The following PDGFD variants were observed in gnomAD, a reference collection of about 807,000 sequenced individuals.
PDGFD encodes platelet derived growth factor D.
In PDGFD, 30 loss-of-function variants were observed where a neutral mutation model predicts 44.7. The observed-to-expected ratio is 0.67, with a 90% CI of 0.50 to 0.91. The LOEUF (loss-of-function observed/expected upper bound fraction) is 0.91. Ranked by LOEUF, PDGFD falls within the 40% of genes least tolerant of loss-of-function variation. The probability of loss-of-function intolerance (pLI) is 0.00; values close to 1 mark genes in which losing one functional copy is unlikely to be tolerated. For synonymous variants in PDGFD, 173 were observed against 168.4 expected (o/e 1.03, Z -0.21); for missense variants, 445 against 457.8 (o/e 0.97, Z 0.25).
intron 1 of PDGFD, among the ~76,000 whole-genome samples, chr11:104,090,114 G>T (rs548232878): frequency 6.6e-6 from 1 of 152,208 alleles, no homozygotes; most frequent in African/African-American, 2.4e-5. Context: ...ATGAAAGATA[G>T]AAAAGAAATA....
In PDGFD at chr11:103,975,394, C is replaced by G. The variant is rs752327565; in HGVS notation, c.510+20671G>C. On this transcript the variant is annotated intron_variant, in intron 3 of 6. Coordinates refer to ENST00000393158, the MANE Select transcript of PDGFD (RefSeq NM_025208.5). ...TCCTTGTAGATTCTGGACATTAGAC[C>G]TTTGTTAGATGGATAAATTGCAAAA... Among the ~76,000 whole-genome samples the G allele has an allele frequency of 5.9e-5, 9 of 151,946 alleles. No individual in the cohort carries two copies. The South Asian group carries it at 1.2e-3, about 21-fold the overall frequency.
At chr11:104,064,129 C>T (rs933069101) in intron 1 of PDGFD, among the ~76,000 whole-genome samples, 3 of 152,156 alleles carry the variant, frequency 2.0e-5, no homozygotes, top group Non-Finnish European at 4.4e-5. Flanking sequence ...ACCTTCACTG[C>T]TGATTTTACA....
chr11:104,114,194 T>C (rs888552229), intron 1 of PDGFD, among the ~76,000 whole-genome samples: 6 of 152,116 alleles, frequency 3.9e-5, no homozygotes, highest in African/African-American at 1.4e-4. Context: ...GATTTTCTCC[T>C]ATATTATCTT....
intron 1 of PDGFD, among the ~76,000 whole-genome samples, chr11:104,013,625 C>T (rs957297108): frequency 6.6e-6 from 1 of 151,948 alleles, no homozygotes; most frequent in African/African-American, 2.4e-5. Flanking sequence ...AGAGTGGATG[C>T]CTGGAAAAGT....
chr11:104,050,092 T>C (rs1860507371), intron 1 of PDGFD, among the ~76,000 whole-genome samples: 1 of 152,166 alleles, frequency 6.6e-6, no homozygotes, highest in African/African-American at 2.4e-5. Flanking sequence ...ATACGTTATA[T>C]GTCCAGTGGG....
intron 3 of PDGFD, among the ~76,000 whole-genome samples, chr11:103,985,631 A>G (rs1052939832): frequency 6.7e-6 from 1 of 149,756 alleles, no homozygotes; most frequent in East Asian, 1.9e-4. Flanking sequence ...TGACTAGGTT[A>G]TCAGGGAATA....
At chr11:103,941,201 T>G (rs1161508804) in intron 5 of PDGFD, among the ~76,000 whole-genome samples, 2 of 152,066 alleles carry the variant, frequency 1.3e-5, no homozygotes, top group Non-Finnish European at 2.9e-5. Context: ...TGAGTCAATG[T>G]ATCTGGGGTG....
At chr11:104,148,608 T>C (rs1862198154) in intron 1 of PDGFD, among the ~76,000 whole-genome samples, 1 of 152,200 alleles carries the variant, frequency 6.6e-6, no homozygotes, top group Non-Finnish European at 1.5e-5. Flanking sequence ...ACTTTTATTT[T>C]AAGCTCAGGG....
chr11:103,951,700 C>T (rs1565293211), intron 3 of PDGFD, among the ~76,000 whole-genome samples: 1 of 152,136 alleles, frequency 6.6e-6, no homozygotes, highest in African/African-American at 2.4e-5. Flanking sequence ...ATGCACTTTC[C>T]CCAAACGCTC....
At chr11:104,149,530 A>C (rs756123966) in intron 1 of PDGFD, among the ~76,000 whole-genome samples, 2 of 152,214 alleles carry the variant, frequency 1.3e-5, no homozygotes, top group African/African-American at 4.8e-5. Flanking sequence ...AATGTTTGCA[A>C]AGTGAACATT....
chr11:103,926,866 A>T (rs1371827967), intron 6 of PDGFD, 46 bp downstream of exon 6: 3 of 1,557,848 alleles, frequency 1.9e-6, no homozygotes, highest in Non-Finnish European at 2.6e-6. Flanking sequence ...GTCTTCCTGA[A>T]TCCTATAGAT....
intron 1 of PDGFD, among the ~76,000 whole-genome samples, chr11:104,108,885 G>T (rs1227723547): frequency 4.6e-5 from 7 of 152,148 alleles, no homozygotes; most frequent in East Asian, 1.9e-4. Flanking sequence ...GAAAGGATGA[G>T]TTCATGTCCT....
At chr11:104,003,404 C>T (rs373370844) in intron 1 of PDGFD, among the ~76,000 whole-genome samples, 16 of 152,128 alleles carry the variant, frequency 1.1e-4, no homozygotes, top group African/African-American at 3.9e-4. Context: ...GGAAGATTAG[C>T]CTGTTGGTGA....
intron 1 of PDGFD, among the ~76,000 whole-genome samples, chr11:104,114,474 C>A (rs531229751): frequency 6.6e-6 from 1 of 152,190 alleles, no homozygotes; most frequent in East Asian, 1.9e-4. Flanking sequence ...TTTAACAATA[C>A]CACACCATCT....
chr11:104,135,157 AACATTT>A (rs1180617218), intron 1 of PDGFD, among the ~76,000 whole-genome samples: 18 of 152,112 alleles, frequency 1.2e-4, no homozygotes, highest in Non-Finnish European at 2.5e-4. Context: ...AATAACATTT[AACATTT>A]AACATTTAAC....
chr11:104,109,617 A>G (rs1273152720), intron 1 of PDGFD, among the ~76,000 whole-genome samples: 2 of 152,172 alleles, frequency 1.3e-5, no homozygotes, highest in Non-Finnish European at 2.9e-5. Flanking sequence ...GCAATTTGTA[A>G]TAATGAAAGA....
intron 3 of PDGFD, among the ~76,000 whole-genome samples, chr11:103,958,759 G>A (rs1050744492): frequency 5.3e-5 from 8 of 152,036 alleles, no homozygotes; most frequent in African/African-American, 1.2e-4. Flanking sequence ...CTTGACTGAC[G>A]TTATATAAAT....
chr11:104,140,832 C>CCAGTCAATTGTTTAT (rs773412517), intron 1 of PDGFD, among the ~76,000 whole-genome samples: 5 of 152,202 alleles, frequency 3.3e-5, no homozygotes, highest in Non-Finnish European at 5.9e-5. Flanking sequence ...GGATATAAAG[C>CCAGTCAATTGTTTAT]CAGTCAATTG....
chr11:104,128,632 A>G (rs1259516928), intron 1 of PDGFD, among the ~76,000 whole-genome samples: 1 of 152,212 alleles, frequency 6.6e-6, no homozygotes, highest in African/African-American at 2.4e-5. Context: ...AAGAAGCAGT[A>G]TAGAATTGGT....
Sources: allele counts gnomAD v4.1 joint callset (sites outside exome capture counted in the v4.1 genomes callset), GRCh38; gene constraint gnomAD v4.1.1; transcripts MANE v1.5; gene names NCBI Gene and HGNC (gene_info 2026-07-23, HGNC 2026-07-21).